Variants in PRKN observed in about 807,000 individuals in gnomAD.
PRKN encodes E3 ubiquitin-protein ligase parkin.
PRKN carries 56 observed loss-of-function variants against 59.5 expected under a neutral mutation model. That is an observed-to-expected ratio of 0.94 (90% CI 0.76 to 1.18). The LOEUF (loss-of-function observed/expected upper bound fraction) is 1.18. Among genes scored for constraint, PRKN ranks in the 50% most tolerant of loss-of-function variants. The pLI, the probability that PRKN is intolerant of heterozygous loss-of-function variation, is 0.00. For synonymous variants in PRKN, 250 were observed against 222.1 expected (o/e 1.13, Z -1.12); for missense variants, 657 against 596.4 (o/e 1.10, Z -1.06).
intron 1 of PRKN, among the ~76,000 whole-genome samples, chr6:162,556,737 C>T (rs1432557505): frequency 7.8e-6 from 1 of 128,382 alleles, no homozygotes; most frequent in African/African-American, 3.1e-5. Flanking sequence ...CAGAGCGAGA[C>T]TCCATCTCAA....
chr6:162,459,072 G>C (rs1791040764), intron 1 of PRKN, among the ~76,000 whole-genome samples: 1 of 152,020 alleles, frequency 6.6e-6, no homozygotes, highest in Non-Finnish European at 1.5e-5. Context: ...CACCCTCCTT[G>C]GCCTCCCAAA....
intron 1 of PRKN, among the ~76,000 whole-genome samples, chr6:162,640,173 G>T (rs1777906647): frequency 6.6e-6 from 1 of 152,062 alleles, no homozygotes; most frequent in Non-Finnish European, 1.5e-5. Context: ...AGACTCTGTA[G>T]GCACTGAATC....
At chr6:162,683,056 G>T (rs1412970838) in intron 1 of PRKN, among the ~76,000 whole-genome samples, 1 of 152,092 alleles carries the variant, frequency 6.6e-6, no homozygotes, top group South Asian at 2.1e-4. Context: ...TTACTTTCTT[G>T]TATTTTGCAA....
Position 161,409,501 on chromosome 6 carries a change from T to C in PRKN, c.1084-22624A>G, listed in dbSNP as rs1011669659. 1.3e-5 allele frequency among the ~76,000 whole-genome samples: 2 copies of C among 152,100 alleles called. No individual in the cohort carries two copies. Among genetic ancestry groups the C allele is most frequent in the African/African-American group, 4.8e-5 (2 of 41,382 alleles). ...TCCAGAGTGCCCCTTTCTCAGGACA[T>C]AGACAAGTAGCTTTCCTACTGACAG... is the stretch of plus-strand genomic sequence containing the variant. On this transcript the variant is annotated intron_variant, in intron 9 of 11. Coordinates refer to ENST00000366898, the MANE Select transcript of PRKN (RefSeq NM_004562.3). This position sits in a 1 kb window ranked among gnomAD's most constrained non-coding sequence, Gnocchi z 4.6.
At chr6:162,439,808 AGTT>A (rs1789966053) in intron 2 of PRKN, among the ~76,000 whole-genome samples, 2 of 134,688 alleles carry the variant, frequency 1.5e-5, no homozygotes, top group African/African-American at 6.3e-5. Context: ...TGTTTTCTCT[AGTT>A]TTTTTATTAT....
chr6:161,881,111 G>GC (rs1220514182), intron 6 of PRKN, among the ~76,000 whole-genome samples: 1 of 152,198 alleles, frequency 6.6e-6, no homozygotes, highest in Non-Finnish European at 1.5e-5. Flanking sequence ...CACATCTTCA[G>GC]CCCTCTACCC....
chr6:161,863,070 A>G (rs531031746), intron 6 of PRKN, among the ~76,000 whole-genome samples: 1 of 152,320 alleles, frequency 6.6e-6, no homozygotes, highest in South Asian at 2.1e-4. Context: ...AATGTCTCAA[A>G]ATAAGCAAAA....
intron 2 of PRKN, among the ~76,000 whole-genome samples, chr6:162,368,708 C>CA (rs1336232430): frequency 6.6e-6 from 1 of 152,194 alleles, no homozygotes; most frequent in Admixed American, 6.5e-5. Context: ...AGCAATACCT[C>CA]AATGCAGACA....
intron 4 of PRKN, among the ~76,000 whole-genome samples, chr6:162,122,260 G>A (rs1780945656): frequency 6.6e-6 from 1 of 152,098 alleles, no homozygotes; most frequent in Non-Finnish European, 1.5e-5. Context: ...TCTCGCCAAG[G>A]CTGATCTGCT....
intron 4 of PRKN, among the ~76,000 whole-genome samples, chr6:162,058,899 C>A (rs1193187793): frequency 1.3e-5 from 2 of 149,316 alleles, no homozygotes. Context: ...TTGCAGTGGG[C>A]CGAGATCACA....
At chr6:161,858,361 G>T (rs1436004619) in intron 6 of PRKN, among the ~76,000 whole-genome samples, 1 of 152,100 alleles carries the variant, frequency 6.6e-6, no homozygotes, top group Non-Finnish European at 1.5e-5. Context: ...ATTTAACATT[G>T]GTTCTCCATT....
In PRKN at chr6:161,973,642, T is replaced by C. The variant is rs974612406; in HGVS notation, c.619-225A>G. Among the ~76,000 whole-genome samples the C allele has an allele frequency of 5.3e-5, 8 of 152,136 alleles. No homozygotes were observed. In the East Asian group the frequency reaches 1.4e-3, roughly 26 times the overall value. The stretch of plus-strand genomic sequence containing the variant: ...CCCTGAGTCTCTGCTATTCTTTTGC[T>C]CTTTAAGCGAGGGAGCTGGAGAAAT... On this transcript the variant is annotated intron_variant, in intron 5 of 11. Transcript: ENST00000366898.
At chr6:161,490,652 A>G (rs1225085228) in intron 9 of PRKN, among the ~76,000 whole-genome samples, 1 of 151,938 alleles carries the variant, frequency 6.6e-6, no homozygotes, top group African/African-American at 2.4e-5. Context: ...TGGCATCCCA[A>G]AGTGCTGGGA....
At chr6:161,830,389 C>T (rs1468033174) in intron 6 of PRKN, among the ~76,000 whole-genome samples, 2 of 152,000 alleles carry the variant, frequency 1.3e-5, no homozygotes, top group Non-Finnish European at 2.9e-5. Flanking sequence ...GGAGCTGGGA[C>T]TACAGGTGCC....
intron 4 of PRKN, among the ~76,000 whole-genome samples, chr6:162,128,479 A>T (rs1288389992): frequency 6.6e-6 from 1 of 152,186 alleles, no homozygotes. Context: ...GATGGGAAAG[A>T]GGCCAAACGT....
intron 2 of PRKN, chr6:162,266,320 GTGTGTGTGTGT>G (rs1258326538): frequency 6.6e-6 from 1 of 152,568 alleles, no homozygotes; most frequent in Non-Finnish European, 1.5e-5. Flanking sequence ...GTGTGTGTGT[GTGTGTGTGTGT>G]GTGTCTGTGT....
intron 2 of PRKN, among the ~76,000 whole-genome samples, chr6:162,416,079 C>G (rs891034343): frequency 2.0e-5 from 3 of 152,124 alleles, no homozygotes; most frequent in Non-Finnish European, 2.9e-5. Flanking sequence ...TATTTGACCT[C>G]CAGTATCATG....
intron 7 of PRKN, among the ~76,000 whole-genome samples, chr6:161,709,915 C>T (rs539021139): frequency 9.2e-5 from 14 of 152,102 alleles, no homozygotes; most frequent in South Asian, 4.1e-4. Context: ...TTTGTAGAAA[C>T]GCAAATATAT....
intron 3 of PRKN, among the ~76,000 whole-genome samples, chr6:162,262,061 A>G (rs1779911750): frequency 6.6e-6 from 1 of 152,124 alleles, no homozygotes; most frequent in Non-Finnish European, 1.5e-5. Context: ...TAGATTAGAG[A>G]ATAAAAGACT....
Sources: allele counts gnomAD v4.1 joint callset (sites outside exome capture counted in the v4.1 genomes callset), GRCh38; gene constraint gnomAD v4.1.1; non-coding constraint Gnocchi (gnomAD v3.1); transcripts MANE v1.5; gene names NCBI Gene and HGNC (gene_info 2026-07-23, HGNC 2026-07-21).